The following TMIGD2 variants were observed in gnomAD, a reference collection of about 807,000 sequenced individuals.
The protein encoded by TMIGD2 is transmembrane and immunoglobulin domain-containing protein 2.
In TMIGD2, 18 loss-of-function variants were observed where a neutral mutation model predicts 22.6. The ratio of observed to expected loss-of-function variants is 0.80; its 90% CI spans 0.55 to 1.18. The LOEUF is 1.18. Among genes scored for constraint, TMIGD2 ranks in the 50% most tolerant of loss-of-function variants. The pLI is 0.00. For synonymous variants in TMIGD2, 184 were observed against 154.1 expected (o/e 1.19, Z -1.44); for missense variants, 361 against 378.2 (o/e 0.95, Z 0.38).
chr19:4,298,901 G>A (rs894151440), intron 1 of TMIGD2, among the ~76,000 whole-genome samples: 2 of 152,064 alleles, frequency 1.3e-5, no homozygotes. Flanking sequence ...CACAAATACC[G>A]CCTAGTATAT....
rs147188149 is a variant in TMIGD2, at chr19:4,298,575, T to G, written c.47-230A>C. The stretch of plus-strand genomic sequence containing the variant: ...ACATAGCAAGACCTCATCTCTACAA[T>G]AAATATTTAAAAAGTAGCTGGGTAT... On this transcript the variant is annotated intron_variant, in intron 1 of 4. Coordinates refer to ENST00000301272, the Ensembl canonical transcript of TMIGD2. 2.7e-3 allele frequency among the ~76,000 whole-genome samples: 404 copies of G among 152,138 alleles called. 2 individuals carry two copies. Among genetic ancestry groups the G allele is most frequent in the African/African-American group, 9.4e-3 (390 of 41,510 alleles).
At chr19:4,296,138 C>T (rs1971459316) in intron 2 of TMIGD2, among the ~76,000 whole-genome samples, 1 of 152,132 alleles carries the variant, frequency 6.6e-6, no homozygotes, top group Admixed American at 6.6e-5. Context: ...AAGCTGGTCT[C>T]GACCTCCTGG....
chr19:4,293,097 G>A (rs1453550892), intron 4 of TMIGD2, among the ~76,000 whole-genome samples: 1 of 151,926 alleles, frequency 6.6e-6, no homozygotes, highest in East Asian at 1.9e-4. Flanking sequence ...CCAACTAGCT[G>A]GGACTACAGG....
chr19:4,292,375 T>C, exon 5 of TMIGD2: 5 of 549,804 alleles, frequency 9.1e-6, no homozygotes, highest in Non-Finnish European at 1.6e-5. Context: ...GGAGTCTCAC[T>C]CTGTCGCCCA....
chr19:4,294,659 C>A (rs776524115), exon 4 of TMIGD2: 1 of 1,594,350 alleles, frequency 6.3e-7, no homozygotes, highest in African/African-American at 1.3e-5. Context: ...GCTTCCCACC[C>A]CCAGCAGCAC....
intron 4 of TMIGD2, 146 bp downstream of exon 4, chr19:4,294,433 G>A: frequency 1.4e-6 from 1 of 723,210 alleles, no homozygotes. Context: ...TGAAAAACAT[G>A]AGCATAGGAT....
At chr19:4,295,097 CA>C (rs201970212) in intron 2 of TMIGD2, among the ~76,000 whole-genome samples, 37,358 of 150,556 alleles carry the variant, frequency 0.25, 5,180 homozygotes, top group African/African-American at 0.37. Context: ...CCCATCTCTA[CA>C]AAAAAATATA....
At chr19:4,295,029 G>A (rs1971442687) in intron 2 of TMIGD2, among the ~76,000 whole-genome samples, 1 of 152,000 alleles carries the variant, frequency 6.6e-6, no homozygotes, top group Admixed American at 6.6e-5. Context: ...GGGAGGCTGA[G>A]GCAGGAGGAT....
At chr19:4,292,636 G>T (rs144403458) in exon 5 of TMIGD2, 1 of 1,612,812 alleles carries the variant, frequency 6.2e-7, no homozygotes. Flanking sequence ...TTTTGGCCTC[G>T]GCTGCTGGGT....
At chr19:4,293,741 C>T (rs1390027089) in intron 4 of TMIGD2, among the ~76,000 whole-genome samples, 4 of 151,770 alleles carry the variant, frequency 2.6e-5, no homozygotes, top group African/African-American at 7.3e-5. Context: ...GGACCACAGG[C>T]GTGTGCCACC....
At chr19:4,298,494 T>C in intron 1 of TMIGD2, 149 bp from the exon 2 acceptor site, 1 of 1,252,426 alleles carries the variant, frequency 8.0e-7, no homozygotes, top group Non-Finnish European at 1.1e-6. Flanking sequence ...CCCAGCACTT[T>C]GGAAGCCCGA....
At chr19:4,294,328 G>T (rs12974747) in intron 4 of TMIGD2, among the ~76,000 whole-genome samples, 30,436 of 152,034 alleles carry the variant, frequency 0.2, 3,279 homozygotes, top group Admixed American at 0.27. Flanking sequence ...ATGCTGGGAT[G>T]ACAGGCATGA....
chr19:4,297,895 A>G, intron 2 of TMIGD2, 91 bp downstream of exon 2: 1 of 1,379,036 alleles, frequency 7.3e-7, no homozygotes. Flanking sequence ...AAGAATTTAG[A>G]GTTTTTTGTT....
In TMIGD2 at chr19:4,301,122, G is replaced by A. The variant is rs530931064; in HGVS notation, c.46+1218C>T. 1.6e-4 allele frequency among the ~76,000 whole-genome samples: 24 copies of A among 152,134 alleles called. No individual in the cohort carries two copies. The South Asian group carries it at 4.4e-3, about 28-fold the overall frequency. ...TGAGTAGCTGGGACTACAGGCACTC[G>A]CTACCACGCCCAGCTAATTTTTGTA... On this transcript the variant is annotated intron_variant, in intron 1 of 4. Transcript: ENST00000301272.
At chr19:4,297,007 G>A (rs980960165) in intron 2 of TMIGD2, among the ~76,000 whole-genome samples, 1 of 151,998 alleles carries the variant, frequency 6.6e-6, no homozygotes, top group Admixed American at 6.6e-5. Context: ...TCTGTAAAGT[G>A]AGGCAGCTGG....
At chr19:4,294,475 T>A in intron 4 of TMIGD2, 104 bp downstream of exon 4, 1 of 1,091,622 alleles carries the variant, frequency 9.2e-7, no homozygotes, top group Non-Finnish European at 1.4e-6. Context: ...CCTTCATCCC[T>A]CCTCCATCCT....
chr19:4,297,664 G>A (rs905678202), intron 2 of TMIGD2, among the ~76,000 whole-genome samples: 1 of 152,076 alleles, frequency 6.6e-6, no homozygotes. Context: ...AGACTATCCT[G>A]GCCAACATGG....
chr19:4,292,542 C>A, exon 5 of TMIGD2: 1 of 1,535,718 alleles, frequency 6.5e-7, no homozygotes, highest in Non-Finnish European at 9.0e-7. Flanking sequence ...TGGCCTCGAT[C>A]CCCCCTTTTT....
intron 2 of TMIGD2, among the ~76,000 whole-genome samples, chr19:4,297,779 T>C (rs1272888836): frequency 6.6e-6 from 1 of 151,036 alleles, no homozygotes; most frequent in Non-Finnish European, 1.5e-5. Flanking sequence ...CGCTTGAACC[T>C]AGGAGGCGGA....
Sources: allele counts gnomAD v4.1 joint callset (sites outside exome capture counted in the v4.1 genomes callset), GRCh38; gene constraint gnomAD v4.1.1; transcripts MANE v1.5; gene names NCBI Gene and HGNC (gene_info 2026-07-23, HGNC 2026-07-21).